Variants in REV1 observed in about 807,000 individuals in gnomAD.
REV1 encodes the protein translesion synthesis protein REV1.
In REV1, 42 loss-of-function variants were observed where a neutral mutation model predicts 137.4. The observed-to-expected ratio is 0.31, with a 90% CI of 0.24 to 0.40. The LOEUF (loss-of-function observed/expected upper bound fraction) is 0.40. Among genes scored for constraint, REV1 ranks in the 10% least tolerant of loss-of-function variants. The pLI is 1.00. For missense variants in REV1, 1,282 were observed against 1,490.1 expected (o/e 0.86, Z 2.30); for synonymous variants, 524 against 519.2 (o/e 1.01, Z -0.12).
intron 6 of REV1, 25 bp downstream of exon 6, chr2:99,438,576 G>T (rs1046692292): frequency 7.8e-6 from 12 of 1,545,610 alleles, no homozygotes; most frequent in Non-Finnish European, 1.1e-5. Context: ...TGTTTCTTAA[G>T]AAGACAATTT....
At chr2:99,479,388 A>AC (rs1686356912) in intron 1 of REV1, among the ~76,000 whole-genome samples, 1 of 149,648 alleles carries the variant, frequency 6.7e-6, no homozygotes, top group Non-Finnish European at 1.5e-5. Context: ...CCTGCCCCCC[A>AC]CTTCCCCTTA....
At chr2:99,478,819 T>C (rs941205644) in intron 1 of REV1, among the ~76,000 whole-genome samples, 13 of 152,214 alleles carry the variant, frequency 8.5e-5, no homozygotes, top group Admixed American at 8.5e-4. Flanking sequence ...GGCTGGAAAT[T>C]TGCATTTCCA....
chr2:99,471,889 T>TAAAAAA (rs947603744), intron 1 of REV1, among the ~76,000 whole-genome samples: 12 of 93,410 alleles, frequency 1.3e-4, no homozygotes, highest in Non-Finnish European at 2.0e-4. Context: ...TAGCTACTAT[T>TAAAAAA]AAAAAAAAAA....
Position 99,438,751 on chromosome 2 carries a change from G to A in REV1, c.1063C>T (p.His355Tyr), listed in dbSNP as rs1681089054. The change falls in exon 6 of 23, where the codon CAT becomes TAT. Residue 355 changes from histidine (H) to tyrosine (Y), a missense_variant. His to Tyr is a moderately conservative substitution (Grantham distance 83). Around this residue, in one of 7 missense-constraint regions of REV1, gnomAD observed 432 missense variants for 438.0 expected, o/e 0.99. Coordinates refer to ENST00000258428, the MANE Select transcript of REV1 (RefSeq NM_016316.4). ...ATTGATATGTGATGCAGTCTTGAAT[G>A]AGAATAGAAGTTTGAAATAAAATTG... ...DCNFISNFYS[H>Y]SRLHHISMWK... The A allele has an allele frequency of 1.2e-6, 2 of 1,614,060 alleles. No individual in the cohort carries two copies. The highest frequency in any genetic ancestry group is 1.3e-5 in the African/African-American group (1 of 74,944).
rs768772858 is a variant in REV1, at chr2:99,404,667, G to C, written c.2822C>G (p.Ser941Cys). 1.9e-6 allele frequency: 3 copies of C among 1,609,972 alleles called. No homozygotes were observed. Among genetic ancestry groups the C allele is most frequent in the Admixed American group, 3.4e-5 (2 of 58,878 alleles). The change falls in exon 18 of 23, where the codon TCT (serine) becomes TGT (cysteine). Residue 941 changes from serine to cysteine, a missense_variant. By Grantham distance (112) the Ser-to-Cys change is moderately radical. This residue lies in a region of REV1 where 135 missense variants were observed against 123.3 expected (regional missense o/e 1.10). Coordinates refer to ENST00000258428, the MANE Select transcript of REV1 (RefSeq NM_016316.4). ...ATCAGGTGGAAGTGCTTCTAAAACA[G>C]ACTGATCCAGCTATAAAATGCCAAA... ...EVPSPSQLDQ[S>C]VLEALPPDLR...
At chr2:99,465,964 C>T (rs6728175) in intron 1 of REV1, among the ~76,000 whole-genome samples, 21,868 of 152,020 alleles carry the variant, frequency 0.14, 1,743 homozygotes, top group East Asian at 0.25. Flanking sequence ...TTTTTTGAGA[C>T]GGAGTCTCGC....
chr2:99,481,652 C>A (rs1376101622), intron 1 of REV1, among the ~76,000 whole-genome samples: 1 of 151,810 alleles, frequency 6.6e-6, no homozygotes, highest in Non-Finnish European at 1.5e-5. Context: ...CACTTGAGGC[C>A]AGGAGTCTGA....
chr2:99,427,371 T>TCTC, intron 9 of REV1, among the ~76,000 whole-genome samples: 1 of 152,294 alleles, frequency 6.6e-6, no homozygotes, highest in East Asian at 1.9e-4. Context: ...CAATCTACCT[T>TCTC]CTCACTGATT....
rs1219710914 is a variant in REV1 at position 99,421,577 on chromosome 2, G to C, written c.1753C>G (p.Leu585Val). 1.2e-6 allele frequency: 2 copies of C among 1,614,120 alleles called. No individual in the cohort carries two copies. The highest frequency in any genetic ancestry group is 1.7e-5 in the Admixed American group (1 of 60,022). The change falls in exon 11 of 23, where the codon CTT (leucine) becomes GTT (valine). Residue 585 changes from leucine to valine, a missense_variant. This residue lies in a region of REV1 where 372 missense variants were observed against 482.3 expected (regional missense o/e 0.77). Transcript: ENST00000258428. The stretch of plus-strand genomic sequence containing the variant: ...GCATTTGCAAATTCATCAGGAGTAA[G>C]TTTGGTCTCTGCAAGGATTTCGGTA... ...DITEILAETK[L>V]TPDEFANAVR...
At chr2:99,470,323 C>A (rs975792242) in intron 1 of REV1, among the ~76,000 whole-genome samples, 3 of 152,078 alleles carry the variant, frequency 2.0e-5, no homozygotes, top group Admixed American at 1.3e-4. Flanking sequence ...GGCTTTTAAT[C>A]AGTCTTTATT....
chr2:99,410,291 A>G (rs571165059), intron 14 of REV1, among the ~76,000 whole-genome samples: 2 of 152,252 alleles, frequency 1.3e-5, no homozygotes, highest in African/African-American at 4.8e-5. Context: ...GATTACAGGT[A>G]TGAGCCACCA....
rs777212258 is a variant in REV1 at position 99,403,767 on chromosome 2, G to A, written c.3094C>T (p.Leu1032=). The change falls in exon 19 of 23, where the codon CTG becomes TTG. Residue 1032 remains leucine (L), a synonymous_variant. Coordinates refer to ENST00000258428, the MANE Select transcript of REV1 (RefSeq NM_016316.4). ...TGTCTTTGATCATACGCTGCTTTCA[G>A]CTCCCTCTGAAGTTCAGCAGGAAGG... is the stretch of plus-strand genomic sequence containing the variant. ...AALPAELQRE[L]KAAYDQRQRQ... 6.2e-7 allele frequency: 1 copy of A among 1,614,126 alleles called. No individual in the cohort carries two copies. Among genetic ancestry groups the A allele is most frequent in the Non-Finnish European group, 8.5e-7 (1 of 1,180,028 alleles).
chr2:99,434,565 G>C (rs1178722336), intron 7 of REV1, 117 bp from the exon 8 acceptor site: 1 of 523,942 alleles, frequency 1.9e-6, no homozygotes, highest in African/African-American at 2.0e-5. Context: ...GCTTTACTTA[G>C]ACATTAATCC....
intron 3 of REV1, among the ~76,000 whole-genome samples, chr2:99,461,829 G>A (rs1684243369): frequency 6.6e-6 from 1 of 152,134 alleles, no homozygotes; most frequent in East Asian, 1.9e-4. Context: ...TGGATGTGTG[G>A]ATAAATTCAT....
rs1325406637 is a variant in REV1, at chr2:99,449,385, T to C, written c.301A>G (p.Lys101Glu). The change falls in exon 4 of 23, where the codon AAA becomes GAA. Residue 101 changes from lysine (K) to glutamate (E), a missense_variant. Physicochemically the swap from Lys to Glu is moderately conservative, Grantham distance 56. Around this residue, in one of 7 missense-constraint regions of REV1, gnomAD observed 107 missense variants for 164.3 expected, o/e 0.65. Transcript: ENST00000258428. Reference protein sequence around the residue: ...IATNLPNAKIKELKGEKVIRP... With the variant: ...IATNLPNAKIEELKGEKVIRP... ...ATTACTTTTTCCCCCTTTAATTCTT[T>C]AATTTTGGCATTGGGAAGATTTGTG... is the stretch of plus-strand genomic sequence containing the variant. 1 of 1,570,182 alleles carries C rather than the reference T, an allele frequency of 6.4e-7. No homozygotes were observed. Among genetic ancestry groups the C allele is most frequent in the East Asian group, 2.4e-5 (1 of 42,148 alleles).
At chr2:99,412,277 A>C (rs1038826996) in intron 13 of REV1, among the ~76,000 whole-genome samples, 38 of 151,114 alleles carry the variant, frequency 2.5e-4, no homozygotes, top group African/African-American at 7.1e-4. Context: ...AAAAAAAAAA[A>C]AAAAACATAT....
intron 1 of REV1, among the ~76,000 whole-genome samples, chr2:99,471,278 G>T (rs1413404787): frequency 5.3e-5 from 8 of 152,150 alleles, no homozygotes; most frequent in Non-Finnish European, 7.3e-5. Flanking sequence ...AGGGCTTAAG[G>T]TATGATCCAA....
chr2:99,446,582 C>G (rs1682245034), intron 4 of REV1, among the ~76,000 whole-genome samples: 1 of 151,980 alleles, frequency 6.6e-6, no homozygotes, highest in Non-Finnish European at 1.5e-5. Flanking sequence ...GCAACCTCCA[C>G]CTCCCAGGTT....
In REV1 at chr2:99,454,577, A is replaced by C. The variant is rs1488879745; in HGVS notation, c.182-5073T>G. ...AAAAAAAAAAAAAAAAAAAAAAAAA[A>C]AAAAAAAAAAAAAACCCAAAAATTA... is the stretch of plus-strand genomic sequence containing the variant. On this transcript the variant is annotated intron_variant, in intron 3 of 22. Transcript: ENST00000258428. Among the ~76,000 whole-genome samples, 28 of 146,706 alleles carry C rather than the reference A, an allele frequency of 1.9e-4. 2 individuals carry two copies. Among genetic ancestry groups the C allele is most frequent in the African/African-American group, 5.5e-4 (22 of 39,832 alleles).
Sources: gnomAD v4.1 joint callset for allele counts (sites outside exome capture counted in the v4.1 genomes callset) on GRCh38, gnomAD v4.1.1 for gene constraint, gnomAD v4.1.1 regional missense constraint, MANE v1.5 for transcripts, NCBI Gene and HGNC (gene_info 2026-07-23, HGNC 2026-07-21) for gene names.